The following CACNA1C variants were observed in gnomAD, a reference collection of about 807,000 sequenced individuals.
CACNA1C encodes voltage-dependent L-type calcium channel subunit alpha-1C.
A neutral mutation model predicts 229.0 loss-of-function variants in CACNA1C; 30 were observed. The ratio of observed to expected loss-of-function variants is 0.13; its 90% CI spans 0.10 to 0.18. The LOEUF (loss-of-function observed/expected upper bound fraction) is 0.18, where lower values mean the gene tolerates loss of function less well. CACNA1C is among the 10% of genes least tolerant of loss of function. The probability of loss-of-function intolerance (pLI) is 1.00; values close to 1 mark genes in which losing one functional copy is unlikely to be tolerated. For synonymous variants in CACNA1C, 1,114 were observed against 1,132.5 expected, an observed-to-expected ratio of 0.98 and a Z score of 0.33; for missense variants, 1,658 against 2,845.0, an observed-to-expected ratio of 0.58 and a Z score of 9.49.
At chr12:2,153,335 A>G (rs2095388225) in intron 3 of CACNA1C, among the ~76,000 whole-genome samples, 1 of 152,146 alleles carries the variant, frequency 6.6e-6, no homozygotes, top group Non-Finnish European at 1.5e-5. Flanking sequence ...TATACATAAT[A>G]TAACATTCAC....
chr12:2,030,735 G>A (rs2048080812), intron 1 of CACNA1C, among the ~76,000 whole-genome samples: 1 of 152,228 alleles, frequency 6.6e-6, no homozygotes, highest in African/African-American at 2.4e-5. Flanking sequence ...TCAGGACTGG[G>A]TGCCAGCATC....
intron 1 of CACNA1C, among the ~76,000 whole-genome samples, chr12:2,100,098 T>C (rs2075738515): frequency 6.6e-6 from 1 of 152,116 alleles, no homozygotes; most frequent in African/African-American, 2.4e-5. Context: ...TACCTGACAC[T>C]TAAAAATAAC....
At position 2,694,953 on chromosome 12, in the gene CACNA1C, T is replaced by G. The variant is rs148297942; in HGVS notation, c.*3754T>G. 180 of 152,164 alleles carry G rather than the reference T, an allele frequency of 1.2e-3. 1 individual carries two copies. Among genetic ancestry groups the G allele is most frequent in the African/African-American group, 4.1e-3 (171 of 41,494 alleles). The allele number at this position is 152,164 out of a possible 1,614,324, so 9.4% of individuals were successfully genotyped here. On this transcript the variant is annotated 3_prime_UTR_variant, in exon 47 of 47. Transcript: ENST00000399655. The stretch of plus-strand genomic sequence containing the variant: ...TTTAGCCTCATCGTGGGAAAGGTGG[T>G]AAAGGAGGATGATGGCATCTCCATC...
intron 3 of CACNA1C, among the ~76,000 whole-genome samples, chr12:2,303,836 G>A (rs996364613): frequency 1.3e-5 from 2 of 152,334 alleles, no homozygotes; most frequent in African/African-American, 2.4e-5. Context: ...CCCTGTGGAC[G>A]GGCCTGGCCC....
intron 24 of CACNA1C, among the ~76,000 whole-genome samples, chr12:2,606,394 C>T (rs562242880): frequency 2.0e-5 from 3 of 152,140 alleles, no homozygotes; most frequent in African/African-American, 4.8e-5. Flanking sequence ...CCCATGGACC[C>T]GAGCTCCTGT....
intron 1 of CACNA1C, among the ~76,000 whole-genome samples, chr12:2,110,672 G>A (rs769740977): frequency 4.6e-5 from 7 of 152,182 alleles, no homozygotes; most frequent in Non-Finnish European, 7.3e-5. Context: ...GGAGTCTTCG[G>A]TAGTTGTGCC....
At chr12:2,415,002 C>T (rs1448984248) in intron 3 of CACNA1C, among the ~76,000 whole-genome samples, 1 of 152,180 alleles carries the variant, frequency 6.6e-6, no homozygotes, top group South Asian at 2.1e-4. Flanking sequence ...TTCCCCAAGG[C>T]ACCCGACACG....
rs150155095 is a variant in CACNA1C, at chr12:2,275,820, C to A, written c.477+155390C>A. 1.9e-3 allele frequency among the ~76,000 whole-genome samples: 281 copies of A among 150,834 alleles called. 1 individual carries two copies. The highest frequency in any genetic ancestry group is 6.8e-3 in the African/African-American group (274 of 40,208). On this transcript the variant is annotated intron_variant, in intron 3 of 46. Coordinates refer to ENST00000399655, the MANE Select transcript of CACNA1C (RefSeq NM_000719.7). The surrounding 1 kb of genome is among the most constrained non-coding windows in gnomAD (Gnocchi z 4.1). ...CCACGGGTGGATGTTCAGCAGCAGG[C>A]CCCCTCTGTTCTTTGGTGAAGCTTG...
intron 9 of CACNA1C, among the ~76,000 whole-genome samples, chr12:2,516,250 G>C (rs1037999643): frequency 1.3e-5 from 2 of 152,182 alleles, no homozygotes; most frequent in African/African-American, 4.8e-5. Context: ...GATGAATCCG[G>C]AGCTGAGGAG....
chr12:2,189,906 A>G (rs1598536641), intron 3 of CACNA1C, among the ~76,000 whole-genome samples: 2 of 152,340 alleles, frequency 1.3e-5, no homozygotes, highest in Middle Eastern at 3.4e-3. Context: ...GGAGGTCCCA[A>G]AAGAGGCTGC....
rs2086077460 is a variant in CACNA1C at position 2,120,490 on chromosome 12, ACATAGATG to A, written c.477+64_477+71del. ...CTCGATGGAGAACTGCGTTCAGATC[ACATAGATG>A]CATGGAATGTGGGAGAGAAGTGAGA... On this transcript the variant is annotated intron_variant, in intron 3 of 46. Coordinates refer to ENST00000399655, the MANE Select transcript of CACNA1C (RefSeq NM_000719.7). The A allele has an allele frequency of 8.6e-6, 8 of 929,750 alleles. No homozygotes were observed. The South Asian group carries it at 1.0e-4, about 12-fold the overall frequency. 57.6% of individuals were successfully genotyped at this position (929,750 alleles called of 1,614,324 possible). A position where few individuals can be genotyped will look rare whatever the true frequency, so the allele number is the denominator to read the frequency against.
chr12:2,393,420 G>A (rs1257469873), intron 3 of CACNA1C, among the ~76,000 whole-genome samples: 1 of 152,206 alleles, frequency 6.6e-6, no homozygotes, highest in African/African-American at 2.4e-5. Context: ...TGAGGCTAGA[G>A]TACACGCTTC....
rs989458522 is a variant in CACNA1C, at chr12:2,181,871, G to T, written c.477+61441G>T. On this transcript the variant is annotated intron_variant, in intron 3 of 46. Coordinates refer to ENST00000399655, the MANE Select transcript of CACNA1C (RefSeq NM_000719.7). The surrounding 1 kb of genome is among the most constrained non-coding windows in gnomAD (Gnocchi z 4.0). ...TGGCCCAGAGGAACAGCTGGAGGAT[G>T]CAGGCAAGATGTGTGTTAAGGGGGT... Among the ~76,000 whole-genome samples, 6 of 152,138 alleles carry T rather than the reference G, an allele frequency of 3.9e-5. No homozygotes were observed. Among genetic ancestry groups the T allele is most frequent in the African/African-American group, 1.4e-4 (6 of 41,438 alleles).
At chr12:2,311,198 T>G (rs957971528) in intron 3 of CACNA1C, among the ~76,000 whole-genome samples, 1 of 152,132 alleles carries the variant, frequency 6.6e-6, no homozygotes, top group African/African-American at 2.4e-5. Context: ...CTTTCCCAAA[T>G]AGCAAACTCT....
intron 1 of CACNA1C, chr12:1,991,002 A>G: frequency 5.1e-6 from 2 of 394,468 alleles, no homozygotes; most frequent in South Asian, 1.9e-5. Context: ...AAAAAAAGGC[A>G]AAATGAATCC....
At chr12:2,290,959 T>G (rs1168759773) in intron 3 of CACNA1C, among the ~76,000 whole-genome samples, 5 of 152,156 alleles carry the variant, frequency 3.3e-5, no homozygotes, top group Non-Finnish European at 5.9e-5. Context: ...AGCTTCAAAG[T>G]GATATCAGGG....
chr12:2,169,418 A>T (rs1172450727), intron 3 of CACNA1C, among the ~76,000 whole-genome samples: 1 of 152,154 alleles, frequency 6.6e-6, no homozygotes, highest in African/African-American at 2.4e-5. Flanking sequence ...TGGCCTGAGG[A>T]TATTCACCAG....
chr12:2,068,286 G>C (rs2060102947), intron 1 of CACNA1C, among the ~76,000 whole-genome samples: 1 of 152,186 alleles, frequency 6.6e-6, no homozygotes. Flanking sequence ...GTACCCCCCA[G>C]ACCCTGCCCC....
intron 43 of CACNA1C, among the ~76,000 whole-genome samples, chr12:2,684,662 C>T (rs1366591267): frequency 2.6e-5 from 4 of 152,062 alleles, no homozygotes; most frequent in South Asian, 4.1e-4. Flanking sequence ...GGGGTACAGG[C>T]GTTCAGAGAA....
Sources: allele counts gnomAD v4.1 joint callset (sites outside exome capture counted in the v4.1 genomes callset), GRCh38; gene constraint gnomAD v4.1.1; non-coding constraint Gnocchi (gnomAD v3.1); transcripts MANE v1.5; gene names NCBI Gene and HGNC (gene_info 2026-07-23, HGNC 2026-07-21).